HMBOX1: variants seen among roughly 807,000 people sequenced by gnomAD.
HMBOX1 encodes homeobox containing 1.
HMBOX1 carries 14 observed loss-of-function variants against 54.5 expected under a neutral mutation model. That is an observed-to-expected ratio of 0.26 (90% CI 0.17 to 0.40). HMBOX1 has a LOEUF of 0.40. HMBOX1 is among the 10% of genes least tolerant of loss of function. The pLI is 1.00. For synonymous variants in HMBOX1, 160 were observed against 181.0 expected (o/e 0.88, Z 0.93); for missense variants, 332 against 514.4 (o/e 0.65, Z 3.43).
intron 1 of HMBOX1, among the ~76,000 whole-genome samples, chr8:28,936,721 A>G (rs1204222184): frequency 1.3e-5 from 2 of 151,794 alleles, no homozygotes; most frequent in African/African-American, 2.4e-5. Flanking sequence ...ATAGAGATTC[A>G]TCCATTATAA....
intron 1 of HMBOX1, among the ~76,000 whole-genome samples, chr8:28,940,073 A>G (rs1821100296): frequency 6.6e-6 from 1 of 151,922 alleles, no homozygotes; most frequent in African/African-American, 2.4e-5. Flanking sequence ...CAATGGTGCT[A>G]TCTCGGCTCA....
At chr8:29,035,824 C>G (rs1291777786) in intron 6 of HMBOX1, among the ~76,000 whole-genome samples, 2 of 152,172 alleles carry the variant, frequency 1.3e-5, no homozygotes, top group African/African-American at 4.8e-5. Flanking sequence ...AATACTGTTT[C>G]TCAGTTTTTC....
chr8:28,907,946 G>A (rs141394520), intron 1 of HMBOX1, among the ~76,000 whole-genome samples: 1 of 151,540 alleles, frequency 6.6e-6, no homozygotes, highest in Non-Finnish European at 1.5e-5. Context: ...ATCAGCTCAA[G>A]CCATCCTCCC....
intron 1 of HMBOX1, among the ~76,000 whole-genome samples, chr8:28,955,208 T>TA (rs1824197121): frequency 6.6e-6 from 1 of 152,086 alleles, no homozygotes; most frequent in Non-Finnish European, 1.5e-5. Context: ...TTAAAAAGTA[T>TA]AGTCTCTTTT....
chr8:28,896,546 A>G lies in HMBOX1; in HGVS notation c.-58+5868A>G, dbSNP rs139705843. Among the ~76,000 whole-genome samples, 27 of 149,152 alleles carry G rather than the reference A, an allele frequency of 1.8e-4. No individual in the cohort carries two copies. In the East Asian group the frequency reaches 5.0e-3, roughly 28 times the overall value. On this transcript the variant is annotated intron_variant, in intron 1 of 9. Coordinates refer to ENST00000287701, the MANE Select transcript of HMBOX1 (RefSeq NM_001135726.3). The stretch of plus-strand genomic sequence containing the variant: ...AATTTCACTCTTTGCCTTATGTAAT[A>G]CAGTCATGTAGTACATAATGATGTT...
rs79602235 is a variant in HMBOX1 at position 28,972,213 on chromosome 8, T to A, written c.500+1694T>A. 2.6e-3 allele frequency among the ~76,000 whole-genome samples: 401 copies of A among 152,288 alleles called. 8 individuals carry two copies. The East Asian group carries it at 0.029, about 11-fold the overall frequency. On this transcript the variant is annotated intron_variant, in intron 3 of 9. Transcript: ENST00000287701. ...CAGTTACAGTTACAAGTCATTGTTT[T>A]GTTTGGTTTGGTTTTTTGAGACGGA...
chr8:28,986,481 C>T (rs1358493053), intron 4 of HMBOX1, among the ~76,000 whole-genome samples: 4 of 152,288 alleles, frequency 2.6e-5, no homozygotes, highest in Middle Eastern at 3.4e-3. Context: ...GCTTATTTAA[C>T]AAGATTTTAT....
intron 9 of HMBOX1, chr8:29,050,726 C>T: frequency 2.7e-6 from 1 of 374,536 alleles, no homozygotes; most frequent in Non-Finnish European, 4.9e-6. Flanking sequence ...TCAATCACTG[C>T]AGGTTTGATC....
chr8:28,907,882 G>T (rs1343056009), intron 1 of HMBOX1, among the ~76,000 whole-genome samples: 2 of 147,606 alleles, frequency 1.4e-5, no homozygotes, highest in African/African-American at 5.0e-5. Flanking sequence ...TTCTCGCTCT[G>T]CTGTCCAGTC....
intron 2 of HMBOX1, among the ~76,000 whole-genome samples, chr8:28,964,786 G>A (rs1277860209): frequency 7.8e-6 from 1 of 127,504 alleles, no homozygotes; most frequent in Non-Finnish European, 1.6e-5. Flanking sequence ...CCTAGAAGAT[G>A]TGAACTGTAG....
intron 6 of HMBOX1, among the ~76,000 whole-genome samples, chr8:29,029,815 A>G (rs1257668045): frequency 1.3e-5 from 2 of 152,324 alleles, no homozygotes; most frequent in Non-Finnish European, 2.9e-5. Flanking sequence ...GACGGTTGCT[A>G]AGGTTTAGAC....
chr8:28,923,625 A>G (rs1204240777), intron 1 of HMBOX1, among the ~76,000 whole-genome samples: 2 of 152,240 alleles, frequency 1.3e-5, no homozygotes, highest in Non-Finnish European at 2.9e-5. Flanking sequence ...AAAGTACACC[A>G]GAAGTGGAAT....
At chr8:28,921,031 A>G (rs1047873110) in intron 1 of HMBOX1, among the ~76,000 whole-genome samples, 2 of 152,248 alleles carry the variant, frequency 1.3e-5, no homozygotes, top group Non-Finnish European at 2.9e-5. Context: ...TTTCATAAGC[A>G]TTTAAAATCA....
intron 6 of HMBOX1, among the ~76,000 whole-genome samples, chr8:29,023,904 T>G (rs1801609286): frequency 6.6e-6 from 1 of 152,194 alleles, no homozygotes; most frequent in Non-Finnish European, 1.5e-5. Flanking sequence ...TCTCTGGGTG[T>G]AGAGCCTAGG....
intron 5 of HMBOX1, among the ~76,000 whole-genome samples, chr8:29,017,992 G>T (rs1800587797): frequency 6.6e-6 from 1 of 152,164 alleles, no homozygotes; most frequent in South Asian, 2.1e-4. Flanking sequence ...TTTTTTGAAG[G>T]TTTTTGATTA....
chr8:28,904,249 C>CTTTT (rs753359325), intron 1 of HMBOX1, among the ~76,000 whole-genome samples: 1 of 139,436 alleles, frequency 7.2e-6, no homozygotes, highest in African/African-American at 2.6e-5. Context: ...TTCCAAATCT[C>CTTTT]TTTTTTTTTT....
chr8:28,897,403 G>A (rs1187666113), intron 1 of HMBOX1, among the ~76,000 whole-genome samples: 2 of 152,170 alleles, frequency 1.3e-5, no homozygotes, highest in African/African-American at 4.8e-5. Flanking sequence ...GAGGCTGGGC[G>A]TGGTGGCTCA....
At chr8:29,017,400 A>G (rs1387281299) in intron 5 of HMBOX1, among the ~76,000 whole-genome samples, 3 of 152,210 alleles carry the variant, frequency 2.0e-5, no homozygotes, top group African/African-American at 7.2e-5. Context: ...ATGATTAGCC[A>G]GAGGTATGAC....
At chr8:28,924,367 C>T (rs900329914) in intron 1 of HMBOX1, among the ~76,000 whole-genome samples, 1 of 151,904 alleles carries the variant, frequency 6.6e-6, no homozygotes, top group African/African-American at 2.4e-5. Flanking sequence ...CTCGGCCTCC[C>T]AAAGTGCTGG....
Sources: allele counts gnomAD v4.1 joint callset (sites outside exome capture counted in the v4.1 genomes callset), GRCh38; gene constraint gnomAD v4.1.1; transcripts MANE v1.5; gene names NCBI Gene and HGNC (gene_info 2026-07-23, HGNC 2026-07-21).